The following UGT2B11 variants were observed in gnomAD, a reference collection of about 807,000 sequenced individuals.
UGT2B11 encodes the protein UDP-glucuronosyltransferase 2B11.
UGT2B11 carries 49 observed loss-of-function variants against 51.7 expected under a neutral mutation model. The observed-to-expected ratio is 0.95, with a 90% CI of 0.75 to 1.20. The LOEUF is 1.20. Among genes scored for constraint, UGT2B11 ranks in the 50% most tolerant of loss-of-function variants. UGT2B11 has a pLI of 0.00. For missense variants in UGT2B11, 810 were observed against 622.1 expected, an observed-to-expected ratio of 1.30 and a Z score of -3.21; for synonymous variants, 273 against 209.0, an observed-to-expected ratio of 1.31 and a Z score of -2.64.
chr4:69,215,983 G>A (rs1340297318), upstream of UGT2B11: 1 of 151,966 alleles, frequency 6.6e-6, no homozygotes, highest in East Asian at 1.9e-4. Context: ...TGAAGAAAAT[G>A]CAACAGATTT....
chr4:69,200,747 A>G (rs1001057716), intron 5 of UGT2B11, 28 bp from the exon 6 acceptor site: 3 of 1,581,350 alleles, frequency 1.9e-6, no homozygotes, highest in Non-Finnish European at 2.6e-6. Context: ...GGATACCAAC[A>G]CTGAAAGTAA....
chr4:69,212,103 G>A (rs1284600347), intron 2 of UGT2B11, among the ~76,000 whole-genome samples: 1 of 151,356 alleles, frequency 6.6e-6, no homozygotes, highest in Non-Finnish European at 1.5e-5. Context: ...TATCTCCACT[G>A]ATGCTTTTTT....
At chr4:69,203,153 T>C (rs963506269) in intron 5 of UGT2B11, among the ~76,000 whole-genome samples, 1 of 151,670 alleles carries the variant, frequency 6.6e-6, no homozygotes, top group Non-Finnish European at 1.5e-5. Context: ...TAAATAGTTC[T>C]TAAAACTTAA....
rs1331031146 is a variant in UGT2B11, at chr4:69,214,162, C to A, written c.561G>T (p.Leu187=). ...GYTIERHSGG[L]IFPPSYIPIV... ...TAGGTATGTAGGAAGGAGGGAAAAT[C>A]AGTCCTCCACTGTGCCTTTCAATTG... The change falls in exon 1 of 6, where the codon CTG becomes CTT. Residue 187 remains leucine (L), a synonymous_variant. Transcript: ENST00000446444. 1 of 1,612,566 alleles carries A rather than the reference C, an allele frequency of 6.2e-7. No homozygotes were observed. Among genetic ancestry groups the A allele is most frequent in the Non-Finnish European group, 8.5e-7 (1 of 1,179,250 alleles).
chr4:69,215,512 A>T (rs1420235123), upstream of UGT2B11: 1 of 152,046 alleles, frequency 6.6e-6, no homozygotes, highest in Non-Finnish European at 1.5e-5. Context: ...AACACAATTT[A>T]TTTATTCATT....
chr4:69,206,511 A>T (rs868484885), intron 3 of UGT2B11, among the ~76,000 whole-genome samples: 1 of 151,620 alleles, frequency 6.6e-6, no homozygotes, highest in Non-Finnish European at 1.5e-5. Context: ...ATCAGGAAAA[A>T]TAATAAACGA....
At chr4:69,224,195 G>T in the UGT2B11 span, among the ~76,000 whole-genome samples, 80 of 152,238 alleles carry the variant, frequency 5.3e-4, 1 homozygote, top group Middle Eastern at 0.01. Context: ...CCTTGCTTGC[G>T]AGATGAGGAA....
the UGT2B11 span, among the ~76,000 whole-genome samples, chr4:69,224,502 G>A: frequency 6.6e-6 from 1 of 152,096 alleles, no homozygotes; most frequent in Non-Finnish European, 1.5e-5. Flanking sequence ...TCATGGCCGC[G>A]CTAATCACCT....
chr4:69,217,111 T>G (rs1722293983), upstream of UGT2B11, among the ~76,000 whole-genome samples: 1 of 152,174 alleles, frequency 6.6e-6, no homozygotes, highest in Non-Finnish European at 1.5e-5. Context: ...TTTGTCTAAA[T>G]TACAATATTT....
In UGT2B11 at chr4:69,205,557, C is replaced by T. The variant is rs1721820470; in HGVS notation, c.1013G>A (p.Arg338Lys). The T allele has an allele frequency of 6.2e-7, 1 of 1,609,854 alleles. No homozygotes were observed. The highest frequency in any genetic ancestry group is 1.3e-5 in the African/African-American group (1 of 74,610). ...GGCATCTGGTTTATTCCCGTCAAAT[C>T]TCCACAGAACCTGTTACAGTAAAGA... The part of the protein sequence containing the change: ...LAKIPQKVLW[R>K]FDGNKPDALG... Residue 338 changes from arginine to lysine, a missense_variant, in exon 4 of 6, where the codon AGA (arginine) becomes AAA (lysine). By Grantham distance (26) the Arg-to-Lys change is conservative. Transcript: ENST00000446444.
chr4:69,204,386 G>A lies in UGT2B11; in HGVS notation c.1310+44C>T, dbSNP rs777173484. 7 of 1,606,826 alleles carry A rather than the reference G, an allele frequency of 4.4e-6. No individual in the cohort carries two copies. In the East Asian group the frequency reaches 1.1e-4, roughly 26 times the overall value. ...CTCATGCTCACTATTGACAAGAGAA[G>A]CTGTCCACAAATACCACCTAGTGAA... On this transcript the variant is annotated intron_variant, in intron 5 of 5. Transcript: ENST00000446444.
At chr4:69,220,627 A>T in the UGT2B11 span, among the ~76,000 whole-genome samples, 2 of 151,282 alleles carry the variant, frequency 1.3e-5, no homozygotes, top group African/African-American at 2.4e-5. Flanking sequence ...GAGTAATAGT[A>T]GGATGGCTGT....
upstream of UGT2B11, chr4:69,214,907 G>A: frequency 4.2e-6 from 4 of 954,256 alleles, no homozygotes; most frequent in Non-Finnish European, 4.5e-6. Context: ...ACTCAAGGAT[G>A]TTTTATGTTT....
chr4:69,207,653 C>A (rs1445262833), intron 3 of UGT2B11, among the ~76,000 whole-genome samples: 1 of 151,602 alleles, frequency 6.6e-6, no homozygotes, highest in Non-Finnish European at 1.5e-5. Context: ...CAGGATCCAT[C>A]TCCATCCTTT....
At chr4:69,218,243 C>G (rs977720053), upstream of UGT2B11, among the ~76,000 whole-genome samples, 1 of 151,842 alleles carries the variant, frequency 6.6e-6, no homozygotes, top group South Asian at 2.1e-4. Flanking sequence ...TAATATGTAC[C>G]AAGAGAGGTC....
Position 69,204,437 on chromosome 4 carries a change from C to G in UGT2B11, c.1303G>C (p.Asp435His). Reference sequence around the variant, plus strand: ...AAACATTGTTCTACTCACAAAGGATCATTAATTACTGTCTTCAGTGCATTC... The same window carrying G: ...AAACATTGTTCTACTCACAAAGGATGATTAATTACTGTCTTCAGTGCATTC... ...LLNALKTVIN[D>H]PLYKENIMKL... Residue 435 changes from aspartate to histidine, a missense_variant, in exon 5 of 6, where the codon GAT (aspartate) becomes CAT (histidine). Transcript: ENST00000446444. The G allele has an allele frequency of 6.2e-7, 1 of 1,611,646 alleles. No individual in the cohort carries two copies. The highest frequency in any genetic ancestry group is 1.3e-5 in the African/African-American group (1 of 74,826).
intron 2 of UGT2B11, among the ~76,000 whole-genome samples, chr4:69,212,016 C>T (rs1190452972): frequency 6.6e-6 from 1 of 151,422 alleles, no homozygotes; most frequent in East Asian, 1.9e-4. Context: ...TCTGCCCCTC[C>T]CCTTCATTCT....
intron 5 of UGT2B11, among the ~76,000 whole-genome samples, chr4:69,203,747 C>G (rs1315933359): frequency 6.6e-6 from 1 of 151,672 alleles, no homozygotes; most frequent in Non-Finnish European, 1.5e-5. Flanking sequence ...GTCATTTACA[C>G]AGCACCTGAG....
intron 3 of UGT2B11, among the ~76,000 whole-genome samples, chr4:69,206,558 T>C (rs1051112819): frequency 2.6e-5 from 4 of 151,386 alleles, no homozygotes; most frequent in African/African-American, 9.7e-5. Context: ...ACACAATCAG[T>C]ACAACAAACC....
Sources: allele counts gnomAD v4.1 joint callset (sites outside exome capture counted in the v4.1 genomes callset), GRCh38; gene constraint gnomAD v4.1.1; transcripts MANE v1.5; gene names NCBI Gene and HGNC (gene_info 2026-07-23, HGNC 2026-07-21).